KLHL13: variants seen among roughly 807,000 people sequenced by gnomAD.
KLHL13 encodes the protein kelch like family member 13, also known as kelch-like protein 13.
KLHL13 carries 10 observed loss-of-function variants against 37.1 expected under a neutral mutation model. The observed-to-expected ratio is 0.27, with a 90% CI of 0.17 to 0.46. The LOEUF (loss-of-function observed/expected upper bound fraction) is 0.46, where lower values mean the gene tolerates loss of function less well. KLHL13 is among the 20% of genes least tolerant of loss of function. KLHL13 has a pLI of 1.00. For synonymous variants in KLHL13, 163 were observed against 181.2 expected, an observed-to-expected ratio of 0.90 and a Z score of 0.81; for missense variants, 360 against 509.3, an observed-to-expected ratio of 0.71 and a Z score of 2.82.
intron 1 of KLHL13, among the ~76,000 whole-genome samples, chrX:118,054,703 A>G (rs1002378886): frequency 2.7e-5 from 3 of 112,004 alleles, no homozygotes; most frequent in Non-Finnish European, 5.6e-5. Flanking sequence ...TGATTTATAC[A>G]TCACAATCAG....
chrX:118,057,192 C>G (rs917606986), intron 1 of KLHL13, among the ~76,000 whole-genome samples: 2 of 111,967 alleles, frequency 1.8e-5, no homozygotes, highest in Non-Finnish European at 3.8e-5. Flanking sequence ...AATAAAGCCA[C>G]GTGTCTATGG....
At chrX:118,038,251 T>C (rs1354550905) in intron 1 of KLHL13, among the ~76,000 whole-genome samples, 1 of 112,206 alleles carries the variant, frequency 8.9e-6, no homozygotes, top group African/African-American at 3.2e-5. Context: ...GCAAGATGGC[T>C]GAATAGAAGC....
intron 1 of KLHL13, among the ~76,000 whole-genome samples, chrX:118,085,945 A>C (rs970717048): frequency 9.5e-6 from 1 of 105,379 alleles, no homozygotes; most frequent in Admixed American, 1.0e-4. Flanking sequence ...ATGAAGATGG[A>C]TTTTTTTTTT....
intron 2 of KLHL13, among the ~76,000 whole-genome samples, chrX:117,927,147 G>A (rs1932107549): frequency 9.1e-6 from 1 of 109,689 alleles, no homozygotes; most frequent in Non-Finnish European, 1.9e-5. Context: ...TGATCCGCCC[G>A]CCTCTGCCTC....
chrX:118,038,346 G>A (rs745867998), intron 1 of KLHL13, among the ~76,000 whole-genome samples: 1 of 112,133 alleles, frequency 8.9e-6, no homozygotes, highest in African/African-American at 3.2e-5. Context: ...CAAAAATCAG[G>A]TGAATGATCA....
intron 1 of KLHL13, among the ~76,000 whole-genome samples, chrX:118,082,660 C>A (rs981077695): frequency 9.0e-6 from 1 of 111,421 alleles, no homozygotes; most frequent in Non-Finnish European, 1.9e-5. Flanking sequence ...TGAAGCTTAG[C>A]CAAAAATTTC....
upstream of KLHL13, chrX:117,973,920 C>G (rs2053565680): frequency 8.1e-6 from 1 of 123,650 alleles, no homozygotes; most frequent in African/African-American, 3.4e-5. Flanking sequence ...AGGGACCACT[C>G]CAAAGCTCAA....
At chrX:118,107,453 C>T (rs2055358205) in intron 1 of KLHL13, among the ~76,000 whole-genome samples, 1 of 112,072 alleles carries the variant, frequency 8.9e-6, no homozygotes, top group Non-Finnish European at 1.9e-5. Context: ...TTTCCCCTCA[C>T]ATTTCTGCTT....
At chrX:118,032,252 A>G (rs28875522) in intron 1 of KLHL13, among the ~76,000 whole-genome samples, 5,939 of 111,524 alleles carry the variant, frequency 0.053, 420 homozygotes, top group African/African-American at 0.18. Flanking sequence ...GCTCAAGGAG[A>G]CCTGCCTGCC....
chrX:117,983,582 T>A, intron 1 of KLHL13: 1 of 965,209 alleles, frequency 1.0e-6, no homozygotes, highest in Non-Finnish European at 1.4e-6. Flanking sequence ...TGGTTAATTG[T>A]AGTTTTATTA....
chrX:118,019,313 T>A (rs189041632), intron 1 of KLHL13, among the ~76,000 whole-genome samples: 82 of 111,680 alleles, frequency 7.3e-4, no homozygotes, highest in Non-Finnish European at 1.3e-3. Flanking sequence ...TCTGTTCATA[T>A]CCTTCGCCCA....
intron 1 of KLHL13, among the ~76,000 whole-genome samples, chrX:118,097,208 G>A (rs1293385113): frequency 3.6e-5 from 4 of 111,552 alleles, no homozygotes; most frequent in African/African-American, 1.3e-4. Flanking sequence ...ATCTCCTTAA[G>A]CTGATAAGCA....
chrX:118,066,425 A>G (rs1219501399), intron 1 of KLHL13, among the ~76,000 whole-genome samples: 1 of 111,783 alleles, frequency 8.9e-6, no homozygotes, highest in Non-Finnish European at 1.9e-5. Flanking sequence ...TTTTCATAAC[A>G]TATTTATTTT....
upstream of KLHL13, among the ~76,000 whole-genome samples, chrX:117,978,682 C>T (rs141129133): frequency 1.8e-5 from 2 of 110,948 alleles, no homozygotes; most frequent in East Asian, 5.7e-4. Context: ...ACTAACTTTA[C>T]TCCTTCACTA....
chrX:117,960,970 G>A (rs1420516434), intron 1 of KLHL13, among the ~76,000 whole-genome samples: 1 of 111,523 alleles, frequency 9.0e-6, no homozygotes, highest in Non-Finnish European at 1.9e-5. Context: ...AGAGACTTGG[G>A]CTATGTGAAC....
At chrX:118,106,670 G>A (rs1158696023) in intron 1 of KLHL13, among the ~76,000 whole-genome samples, 1 of 111,541 alleles carries the variant, frequency 9.0e-6, no homozygotes, top group Non-Finnish European at 1.9e-5. Flanking sequence ...CTGTGCACCT[G>A]TGGCATTTCA....
Position 118,068,290 on chromosome X carries a change from C to T in KLHL13, c.-56+48218G>A, listed in dbSNP as rs2054816554. On this transcript the variant is annotated intron_variant, in intron 1 of 6. Coordinates refer to the KLHL13 transcript ENST00000371882. ...AGAGAGGAAGATGGCCGACTAGAAG[C>T]CCCTAGCCCTCCTCCCTTCCATAAA... is the stretch of plus-strand genomic sequence containing the variant. Among the ~76,000 whole-genome samples, 3 of 111,519 alleles carry T rather than the reference C, an allele frequency of 2.7e-5. No homozygotes were observed. The South Asian group carries it at 1.1e-3, about 42-fold the overall frequency.
chrX:117,942,146 G>A (rs1056955461), intron 2 of KLHL13, among the ~76,000 whole-genome samples: 2 of 111,825 alleles, frequency 1.8e-5, no homozygotes, highest in Non-Finnish European at 3.8e-5. Context: ...ATGGTTTTGA[G>A]TGAGTTTCTT....
intron 1 of KLHL13, among the ~76,000 whole-genome samples, chrX:118,017,579 T>C (rs1198677231): frequency 9.0e-6 from 1 of 110,896 alleles, no homozygotes; most frequent in East Asian, 2.8e-4. Flanking sequence ...GAAACATGAC[T>C]TCACTCATAA....
Sources: gnomAD v4.1 joint callset for allele counts (sites outside exome capture counted in the v4.1 genomes callset) on GRCh38, gnomAD v4.1.1 for gene constraint, MANE v1.5 for transcripts, NCBI Gene and HGNC (gene_info 2026-07-23, HGNC 2026-07-21) for gene names.